Variants in IL1RAP observed in about 807,000 individuals in gnomAD.
IL1RAP encodes interleukin 1 receptor accessory protein, also known as interleukin-1 receptor accessory protein.
IL1RAP carries 35 observed loss-of-function variants against 60.7 expected under a neutral mutation model. The ratio of observed to expected loss-of-function variants is 0.58; its 90% CI spans 0.44 to 0.76. The LOEUF (loss-of-function observed/expected upper bound fraction) is 0.76. Among genes scored for constraint, IL1RAP ranks in the 30% least tolerant of loss-of-function variants. IL1RAP has a pLI of 0.00. For missense variants in IL1RAP, 572 were observed against 693.9 expected, an observed-to-expected ratio of 0.82 and a Z score of 1.97; for synonymous variants, 268 against 250.9, an observed-to-expected ratio of 1.07 and a Z score of -0.64.
chr3:190,581,467 T>C (rs376376362), intron 3 of IL1RAP, among the ~76,000 whole-genome samples: 4 of 152,172 alleles, frequency 2.6e-5, no homozygotes, highest in South Asian at 2.1e-4. Context: ...CTGAGACCTT[T>C]TACATTCGAA....
intron 4 of IL1RAP, among the ~76,000 whole-genome samples, chr3:190,606,540 T>G (rs1045793949): frequency 6.6e-6 from 1 of 152,268 alleles, no homozygotes; most frequent in African/African-American, 2.4e-5. Context: ...TTTTACTTTT[T>G]CCTTAATTAC....
intron 3 of IL1RAP, among the ~76,000 whole-genome samples, chr3:190,568,927 A>T (rs1577615711): frequency 6.6e-6 from 1 of 152,238 alleles, no homozygotes; most frequent in Non-Finnish European, 1.5e-5. Flanking sequence ...AATACAGTAA[A>T]GTTTGAGAGA....
intron 1 of IL1RAP, among the ~76,000 whole-genome samples, chr3:190,551,218 C>T (rs568364927): frequency 6.6e-6 from 1 of 152,170 alleles, no homozygotes; most frequent in East Asian, 1.9e-4. Flanking sequence ...AGTTTTTTTC[C>T]CCAGAGCTTT....
chr3:190,650,507 C>G lies in IL1RAP; in HGVS notation c.*1802C>G, dbSNP rs1415962446. On this transcript the variant is annotated 3_prime_UTR_variant, in exon 12 of 12. Coordinates refer to ENST00000447382, the MANE Select transcript of IL1RAP (RefSeq NM_002182.4). Reference sequence around the variant, plus strand: ...TATAACTGTAAATGAATCTTGGTATCCTGTGAAACAGAATAATTCGTAATT... The same window carrying G: ...TATAACTGTAAATGAATCTTGGTATGCTGTGAAACAGAATAATTCGTAATT... 5.1e-6 allele frequency: 5 copies of G among 981,618 alleles called. No individual in the cohort carries two copies. Among genetic ancestry groups the G allele is most frequent in the Non-Finnish European group, 6.0e-6 (5 of 826,612 alleles). 60.8% of individuals were successfully genotyped at this position (981,618 alleles called of 1,614,324 possible). A position where few individuals can be genotyped will look rare whatever the true frequency, so the allele number is the denominator to read the frequency against.
At chr3:190,633,385 G>A (rs973316084) in intron 9 of IL1RAP, among the ~76,000 whole-genome samples, 1 of 151,762 alleles carries the variant, frequency 6.6e-6, no homozygotes, top group African/African-American at 2.4e-5. Flanking sequence ...TTGAGACAGA[G>A]TCTCACTGTC....
intron 3 of IL1RAP, among the ~76,000 whole-genome samples, chr3:190,603,253 A>T (rs906658374): frequency 1.3e-5 from 2 of 152,242 alleles, no homozygotes. Flanking sequence ...GATCGTTAAA[A>T]ATAATGTTTG....
chr3:190,542,835 G>T (rs1235517593), intron 1 of IL1RAP, among the ~76,000 whole-genome samples: 1 of 151,356 alleles, frequency 6.6e-6, no homozygotes, highest in East Asian at 1.9e-4. Context: ...GGTTAGAAAT[G>T]GCCATTCGAG....
intron 3 of IL1RAP, among the ~76,000 whole-genome samples, chr3:190,585,919 T>C (rs926663429): frequency 2.6e-5 from 4 of 152,174 alleles, no homozygotes; most frequent in African/African-American, 9.7e-5. Context: ...TTGACCCTAG[T>C]CTCATTGACC....
chr3:190,537,864 T>C (rs1009223166), intron 1 of IL1RAP, among the ~76,000 whole-genome samples: 1 of 152,166 alleles, frequency 6.6e-6, no homozygotes, highest in African/African-American at 2.4e-5. Context: ...TTTTCTGTAA[T>C]TCCTTGCCTA....
Position 190,627,335 on chromosome 3 carries a change from T to C in IL1RAP, c.788T>C (p.Leu263Pro). 3.1e-6 allele frequency: 5 copies of C among 1,603,704 alleles called. No homozygotes were observed. Among genetic ancestry groups the C allele is most frequent in the Non-Finnish European group, 4.3e-6 (5 of 1,175,208 alleles). The change falls in exon 8 of 12, where the codon CTC becomes CCC. Residue 263 changes from leucine to proline, a missense_variant. Transcript: ENST00000447382. ...VYEKEPGEELLIPCTVYFSFL... is the reference protein window; with the variant it reads ...VYEKEPGEELPIPCTVYFSFL... The stretch of plus-strand genomic sequence containing the variant: ...TTTTTTTTTTCAGGAGAGGAGCTAC[T>C]CATTCCCTGTACGGTCTATTTTAGT...
At chr3:190,557,037 A>G (rs561053463) in intron 2 of IL1RAP, among the ~76,000 whole-genome samples, 1 of 152,290 alleles carries the variant, frequency 6.6e-6, no homozygotes, top group African/African-American at 2.4e-5. Flanking sequence ...GAGAGGGTAC[A>G]ATGGAACAAT....
At position 190,649,091 on chromosome 3, in the gene IL1RAP, A is replaced by G; in HGVS notation, c.*386A>G. On this transcript the variant is annotated 3_prime_UTR_variant, in exon 12 of 12. Coordinates refer to ENST00000447382, the MANE Select transcript of IL1RAP (RefSeq NM_002182.4). ...AAAATAAGTCACTGTTGACAGGGTC[A>G]TGAGTTTCCGAGTATAGTTTTCTTT... 2 of 990,566 alleles carry G rather than the reference A, an allele frequency of 2.0e-6. No individual in the cohort carries two copies. Among genetic ancestry groups the G allele is most frequent in the Non-Finnish European group, 2.4e-6 (2 of 833,362 alleles). 61.4% of individuals were successfully genotyped at this position (990,566 alleles called of 1,614,324 possible). A position where few individuals can be genotyped will look rare whatever the true frequency, so the allele number is the denominator to read the frequency against.
Position 190,589,766 on chromosome 3 carries a change from A to G in IL1RAP, c.65-14362A>G, listed in dbSNP as rs73200014. ...TGGAATGAGTCTCTCTGAGCCCCCA[A>G]CTGGGAAGTGTAAGACATGGTGTTG... On this transcript the variant is annotated intron_variant, in intron 3 of 11. Transcript: ENST00000447382. 3.2e-3 allele frequency among the ~76,000 whole-genome samples: 495 copies of G among 152,330 alleles called. 2 individuals are homozygous for G. Among genetic ancestry groups the G allele is most frequent in the Non-Finnish European group, 5.0e-3 (338 of 68,040 alleles).
chr3:190,580,016 T>C (rs945353430), intron 3 of IL1RAP, among the ~76,000 whole-genome samples: 1 of 152,222 alleles, frequency 6.6e-6, no homozygotes, highest in African/African-American at 2.4e-5. Context: ...TTGACTATCA[T>C]GAATAATGCT....
intron 1 of IL1RAP, among the ~76,000 whole-genome samples, chr3:190,544,638 T>G (rs1724217507): frequency 6.6e-6 from 1 of 152,170 alleles, no homozygotes; most frequent in South Asian, 2.1e-4. Flanking sequence ...CACCGTGTTT[T>G]TCTGAAAGAA....
chr3:190,637,073 C>G (rs971616738), intron 9 of IL1RAP, among the ~76,000 whole-genome samples: 2 of 152,140 alleles, frequency 1.3e-5, no homozygotes, highest in African/African-American at 4.8e-5. Flanking sequence ...CATTTCTTCC[C>G]TCCCATCCTT....
chr3:190,637,564 C>T (rs989862866), intron 9 of IL1RAP, among the ~76,000 whole-genome samples: 2 of 152,026 alleles, frequency 1.3e-5, no homozygotes, highest in Non-Finnish European at 2.9e-5. Context: ...CATTTAAGCT[C>T]CTTATCATTA....
chr3:190,515,795 C>A (rs901068799), intron 1 of IL1RAP, among the ~76,000 whole-genome samples: 46 of 151,480 alleles, frequency 3.0e-4, no homozygotes, highest in African/African-American at 1.1e-3. Flanking sequence ...GTCAGTCGAG[C>A]AACCTTACAT....
At chr3:190,634,707 G>GTTTT (rs1167445179) in intron 9 of IL1RAP, among the ~76,000 whole-genome samples, 2,406 of 134,236 alleles carry the variant, frequency 0.018, 96 homozygotes, top group African/African-American at 0.027. Flanking sequence ...GGCCTGTTGT[G>GTTTT]TTTTTTTTTT....
Sources: allele counts gnomAD v4.1 joint callset (sites outside exome capture counted in the v4.1 genomes callset), GRCh38; gene constraint gnomAD v4.1.1; transcripts MANE v1.5; gene names NCBI Gene and HGNC (gene_info 2026-07-23, HGNC 2026-07-21).